CALN1: variants seen among roughly 807,000 people sequenced by gnomAD.
The protein encoded by CALN1 is calcium-binding protein 8.
A neutral mutation model predicts 30.6 loss-of-function variants in CALN1; 17 were observed. The observed-to-expected ratio is 0.56, with a 90% CI of 0.38 to 0.83. The LOEUF is 0.83. CALN1 is among the 40% of genes least tolerant of loss of function. The pLI, the probability that CALN1 is intolerant of heterozygous loss-of-function variation, is 0.00. For missense variants in CALN1, 291 were observed against 354.9 expected, an observed-to-expected ratio of 0.82 and a Z score of 1.45; for synonymous variants, 156 against 131.4, an observed-to-expected ratio of 1.19 and a Z score of -1.28.
At position 72,437,705 on chromosome 7, in the gene CALN1, CTT is replaced by C. The variant is rs1273010756; in HGVS notation, c.-226+9335_-226+9336del. Among the ~76,000 whole-genome samples the C allele has an allele frequency of 7.5e-5, 5 of 66,450 alleles. No individual in the cohort carries two copies. In the Admixed American group the frequency reaches 7.8e-4, roughly 10 times the overall value. The allele number at this position is 66,450 out of a possible 152,430, so 43.6% of individuals were successfully genotyped here. On this transcript the variant is annotated intron_variant, in intron 1 of 6. Coordinates refer to the CALN1 transcript ENST00000395276. Reference sequence around the variant, plus strand: ...TTCTTTCCTTCCTCCCTCCCTCTCTCTTTCTTTCCTTCCTTCTTTCCTTCCCC... The same window carrying C: ...TTCTTTCCTTCCTCCCTCCCTCTCTCTCTTTCCTTCCTTCTTTCCTTCCCC...
chr7:72,189,998 A>G (rs1790488598), intron 3 of CALN1, among the ~76,000 whole-genome samples: 1 of 152,146 alleles, frequency 6.6e-6, no homozygotes. Context: ...AGCATGTACC[A>G]ATGTTTAAAA....
At position 71,845,030 on chromosome 7, in the gene CALN1, T is replaced by G. The variant is rs59995817; in HGVS notation, c.502-34538A>C. Among the ~76,000 whole-genome samples the G allele has an allele frequency of 1.5e-3, 230 of 152,236 alleles. 1 individual carries two copies. The highest frequency in any genetic ancestry group is 5.2e-3 in the African/African-American group (218 of 41,546). On this transcript the variant is annotated intron_variant, in intron 5 of 6. Coordinates refer to ENST00000395275, the MANE Select transcript of CALN1 (RefSeq NM_031468.4). ...TCCCAACTAGCTGGGATTACAGGCA[T>G]GTGCCACCACACCAGGCTAATTTTT...
chr7:72,491,310 T>G, the CALN1 span, among the ~76,000 whole-genome samples: 1 of 152,052 alleles, frequency 6.6e-6, no homozygotes, highest in East Asian at 1.9e-4. Flanking sequence ...GGCTCATGTC[T>G]GTAATTCTAG....
intron 4 of CALN1, among the ~76,000 whole-genome samples, chr7:72,051,564 G>A (rs928940051): frequency 6.6e-6 from 1 of 152,084 alleles, no homozygotes; most frequent in African/African-American, 2.4e-5. Context: ...ACTGTTCCAG[G>A]ATGAAGAAAA....
intron 3 of CALN1, among the ~76,000 whole-genome samples, chr7:72,233,452 A>T (rs1794253261): frequency 6.6e-6 from 1 of 152,192 alleles, no homozygotes; most frequent in African/African-American, 2.4e-5. Context: ...ACAATGGCTC[A>T]TGCCTGGAAT....
Position 72,306,005 on chromosome 7 carries a change from G to A in CALN1, c.120-27195C>T, listed in dbSNP as rs557893776. ...CATCTAAACTTAATTACCTCCTGAA[G>A]ACTAAAGTTACCTTGCCCAAATTCC... On this transcript the variant is annotated intron_variant, in intron 2 of 6. Coordinates refer to ENST00000395275, the MANE Select transcript of CALN1 (RefSeq NM_031468.4). 1.2e-4 allele frequency among the ~76,000 whole-genome samples: 19 copies of A among 152,216 alleles called. No homozygotes were observed. The South Asian group carries it at 1.9e-3, about 15-fold the overall frequency.
chr7:72,191,087 G>A (rs186512119), intron 3 of CALN1, among the ~76,000 whole-genome samples: 160 of 152,304 alleles, frequency 1.1e-3, no homozygotes, highest in African/African-American at 3.4e-3. Flanking sequence ...TGCAAGTCAT[G>A]GTCTAGTGTG....
the CALN1 span, among the ~76,000 whole-genome samples, chr7:72,472,946 G>A: frequency 6.6e-6 from 1 of 152,116 alleles, no homozygotes; most frequent in East Asian, 1.9e-4. Context: ...AGGGGCGGGA[G>A]GCAGATAAGC....
At chr7:72,040,661 C>T (rs1802069552) in intron 4 of CALN1, among the ~76,000 whole-genome samples, 1 of 152,152 alleles carries the variant, frequency 6.6e-6, no homozygotes, top group Non-Finnish European at 1.5e-5. Flanking sequence ...TCCATATGCA[C>T]ACATGCGCAG....
chr7:72,289,125 T>C (rs1252399748), intron 2 of CALN1, among the ~76,000 whole-genome samples: 1 of 152,230 alleles, frequency 6.6e-6, no homozygotes, highest in Non-Finnish European at 1.5e-5. Flanking sequence ...AAATGTTTTG[T>C]TGCTGATGAG....
intron 4 of CALN1, among the ~76,000 whole-genome samples, chr7:72,038,923 T>C (rs1801964123): frequency 6.6e-6 from 1 of 152,224 alleles, no homozygotes; most frequent in South Asian, 2.1e-4. Context: ...GCTCTGCCTA[T>C]GGAGTAGCCG....
chr7:71,887,925 C>A (rs1373295892), intron 5 of CALN1, among the ~76,000 whole-genome samples: 1 of 151,864 alleles, frequency 6.6e-6, no homozygotes, highest in Admixed American at 6.6e-5. Context: ...GTGTTGCGGG[C>A]TTGGAGGGCA....
At chr7:72,280,093 C>T (rs1028270632) in intron 2 of CALN1, among the ~76,000 whole-genome samples, 1 of 152,162 alleles carries the variant, frequency 6.6e-6, no homozygotes, top group Admixed American at 6.5e-5. Context: ...CAGCTAAGTG[C>T]CAGACATTTC....
chr7:72,493,181 C>T, the CALN1 span, among the ~76,000 whole-genome samples: 2 of 152,128 alleles, frequency 1.3e-5, no homozygotes, highest in African/African-American at 4.8e-5. Context: ...GGGTCTCCCA[C>T]CATCTCTAGG....
At chr7:71,894,846 GT>G (rs1793450242) in intron 5 of CALN1, among the ~76,000 whole-genome samples, 1 of 152,186 alleles carries the variant, frequency 6.6e-6, no homozygotes, top group Non-Finnish European at 1.5e-5. Flanking sequence ...GGTTATTCCT[GT>G]GTGCTTTATA....
chr7:71,843,223 T>G (rs905968257), intron 5 of CALN1, among the ~76,000 whole-genome samples: 14 of 152,312 alleles, frequency 9.2e-5, no homozygotes, highest in African/African-American at 2.9e-4. Context: ...GAAGACCTCT[T>G]AGAAGCTGGG....
intron 2 of CALN1, among the ~76,000 whole-genome samples, chr7:72,395,281 C>T (rs78433987): frequency 0.013 from 2,032 of 152,046 alleles, 28 homozygotes; most frequent in Non-Finnish European, 0.017. Context: ...GGCATGTCCC[C>T]GGGAGAGAAA....
At chr7:71,945,881 G>A (rs73703424) in intron 5 of CALN1, among the ~76,000 whole-genome samples, 1,724 of 152,326 alleles carry the variant, frequency 0.011, 39 homozygotes, top group African/African-American at 0.039. Flanking sequence ...TCACTGGTCT[G>A]TGGAAAAACT....
the CALN1 span, among the ~76,000 whole-genome samples, chr7:72,497,000 C>T: frequency 6.6e-6 from 1 of 152,140 alleles, no homozygotes; most frequent in Non-Finnish European, 1.5e-5. Context: ...CCACAAAATC[C>T]TTATGTAAGT....
Sources: gnomAD v4.1 joint callset for allele counts (sites outside exome capture counted in the v4.1 genomes callset) on GRCh38, gnomAD v4.1.1 for gene constraint, MANE v1.5 for transcripts, NCBI Gene and HGNC (gene_info 2026-07-23, HGNC 2026-07-21) for gene names.